The following SCN10A variants were observed in gnomAD, a reference collection of about 807,000 sequenced individuals.
SCN10A encodes sodium channel protein type 10 subunit alpha.
SCN10A carries 162 observed loss-of-function variants against 170.7 expected under a neutral mutation model. That is an observed-to-expected ratio of 0.95 (90% CI 0.84 to 1.08). The LOEUF is 1.08. SCN10A is among the 50% of genes least tolerant of loss of function. SCN10A has a pLI of 0.00. For synonymous variants in SCN10A, 985 were observed against 904.6 expected (o/e 1.09, Z -1.59); for missense variants, 2,527 against 2,436.9 (o/e 1.04, Z -0.78).
At chr3:38,784,149 T>C (rs1032864542) in intron 4 of SCN10A, among the ~76,000 whole-genome samples, 1 of 152,110 alleles carries the variant, frequency 6.6e-6, no homozygotes, top group African/African-American at 2.4e-5. Context: ...ACATTCTTAA[T>C]TATAGTATAC....
intron 4 of SCN10A, among the ~76,000 whole-genome samples, chr3:38,780,626 T>A (rs2064128533): frequency 6.6e-6 from 1 of 152,112 alleles, no homozygotes; most frequent in Non-Finnish European, 1.5e-5. Context: ...ATGTTATACA[T>A]CATTTTAATG....
chr3:38,779,074 C>A (rs990240596), intron 4 of SCN10A, among the ~76,000 whole-genome samples: 5 of 131,148 alleles, frequency 3.8e-5, no homozygotes, highest in African/African-American at 1.4e-4. Context: ...TTTGACCTGG[C>A]AATTCTACTT....
At chr3:38,716,618 TA>T (rs2063336683) in intron 21 of SCN10A, among the ~76,000 whole-genome samples, 1 of 152,022 alleles carries the variant, frequency 6.6e-6, no homozygotes, top group Admixed American at 6.6e-5. Flanking sequence ...ATATATACAA[TA>T]AAATATATTT....
Position 38,722,108 on chromosome 3 carries a change from C to T in SCN10A, c.3507+150G>A, listed in dbSNP as rs76786776. 3.0e-3 allele frequency: 2,323 copies of T among 768,968 alleles called. 41 individuals are homozygous for T. The African/African-American group carries it at 0.031, about 10-fold the overall frequency. 47.6% of individuals were successfully genotyped at this position (768,968 alleles called of 1,614,324 possible). ...ATGCTCTGCTGCTAAGAGGGGCCCT[C>T]GCCCTGGGCTGCAGCTCTCCTTCTA... On this transcript the variant is annotated intron_variant, in intron 20 of 27. Coordinates refer to ENST00000449082, the MANE Select transcript of SCN10A (RefSeq NM_006514.4).
intron 21 of SCN10A, among the ~76,000 whole-genome samples, chr3:38,714,735 T>C (rs995545076): frequency 3.9e-5 from 6 of 152,300 alleles, no homozygotes; most frequent in African/African-American, 9.6e-5. Context: ...TCAATAGATA[T>C]CTGAGATATA....
chr3:38,733,085 T>C (rs1300221581), intron 15 of SCN10A, among the ~76,000 whole-genome samples: 1 of 152,202 alleles, frequency 6.6e-6, no homozygotes, highest in South Asian at 2.1e-4. Flanking sequence ...ATTGAGAACT[T>C]TGTCAAAGAA....
intron 15 of SCN10A, among the ~76,000 whole-genome samples, chr3:38,732,727 G>T (rs1222937469): frequency 1.3e-5 from 2 of 152,160 alleles, no homozygotes; most frequent in Non-Finnish European, 2.9e-5. Flanking sequence ...TCATGAACCA[G>T]CAACCCTAGG....
chr3:38,776,309 C>A (rs1476714152), intron 4 of SCN10A, among the ~76,000 whole-genome samples: 3 of 152,006 alleles, frequency 2.0e-5, no homozygotes, highest in African/African-American at 7.2e-5. Context: ...TACATTGTGA[C>A]CTTATTTCAC....
intron 4 of SCN10A, among the ~76,000 whole-genome samples, chr3:38,780,990 C>T (rs2126049373): frequency 6.6e-6 from 1 of 152,164 alleles, no homozygotes; most frequent in African/African-American, 2.4e-5. Context: ...AAGAACTCAT[C>T]GTTGACCATT....
intron 5 of SCN10A, among the ~76,000 whole-genome samples, chr3:38,768,700 A>G (rs968171775): frequency 6.6e-6 from 1 of 152,014 alleles, no homozygotes; most frequent in Non-Finnish European, 1.5e-5. Context: ...CTTTGTCTTG[A>G]CTTTAGATAA....
chr3:38,744,605 G>T (rs1350613769), intron 13 of SCN10A, among the ~76,000 whole-genome samples: 2 of 151,760 alleles, frequency 1.3e-5, no homozygotes, highest in Admixed American at 6.6e-5. Context: ...TCACTACAAG[G>T]CTTGGAAAAT....
chr3:38,789,703 A>C (rs2064255675), intron 3 of SCN10A, among the ~76,000 whole-genome samples: 1 of 152,104 alleles, frequency 6.6e-6, no homozygotes, highest in African/African-American at 2.4e-5. Flanking sequence ...GCTGGAGTGG[A>C]GAACTCTGAA....
At chr3:38,769,598 G>C (rs1468038519) in intron 5 of SCN10A, among the ~76,000 whole-genome samples, 1 of 152,108 alleles carries the variant, frequency 6.6e-6, no homozygotes, top group Non-Finnish European at 1.5e-5. Flanking sequence ...CATTGTTGGG[G>C]AGCTAGTTTG....
chr3:38,725,349 C>T, intron 17 of SCN10A, 35 bp from the exon 18 acceptor site: 1 of 1,534,170 alleles, frequency 6.5e-7, no homozygotes, highest in Non-Finnish European at 8.9e-7. Flanking sequence ...GTGCCTGGCC[C>T]CACCCTTAGA....
chr3:38,711,053 C>T (rs919987004), intron 23 of SCN10A, among the ~76,000 whole-genome samples, 156 bp from the exon 24 acceptor site: 13 of 152,202 alleles, frequency 8.5e-5, no homozygotes, highest in Non-Finnish European at 1.8e-4. Flanking sequence ...GGTTACTTGA[C>T]TAATCTCATA....
Position 38,697,437 on chromosome 3 carries a change from AG to A in SCN10A, c.5782del (p.Ser1929ValfsTer6). 6.2e-7 allele frequency: 1 copy of A among 1,614,222 alleles called. No individual in the cohort carries two copies. Among genetic ancestry groups the A allele is most frequent in the South Asian group, 1.1e-5 (1 of 91,084 alleles). On this transcript the variant is annotated frameshift_variant, in exon 28 of 28. Coordinates refer to ENST00000449082, the MANE Select transcript of SCN10A (RefSeq NM_006514.4). LOFTEE classifies it low-confidence loss of function (END_TRUNC). ...PPSYESVTRG[L>X]SDRVNMRTSS... ...TGTCCTCATGTTGACTCTATCACTA[AG>A]GCCTCTAGTGACACTCTCATAGGAC...
At chr3:38,761,079 G>A (rs970488367) in intron 7 of SCN10A, 113 bp downstream of exon 7, 1 of 852,342 alleles carries the variant, frequency 1.2e-6, no homozygotes, top group Non-Finnish European at 1.8e-6. Context: ...TGGCAGGAAA[G>A]GGGAGTCAAA....
chr3:38,741,382 C>A (rs2063630419), intron 14 of SCN10A, among the ~76,000 whole-genome samples: 1 of 152,122 alleles, frequency 6.6e-6, no homozygotes, highest in Non-Finnish European at 1.5e-5. Context: ...GGCAGCCGGT[C>A]TGTCTGGGTT....
rs755110001 is a variant in SCN10A, at chr3:38,739,525, CT to C, written c.2269del (p.Ser757AlafsTer17). 3.1e-6 allele frequency: 5 copies of C among 1,612,800 alleles called. No homozygotes were observed. In the South Asian group the frequency reaches 5.5e-5, roughly 18 times the overall value. ...AGAGAAAAACATTACCAAGCGGAAGCTCCGCAGCACAGACAGGCTTCCCTTC... is the reference window on the plus strand; with the variant it reads ...AGAGAAAAACATTACCAAGCGGAAGCCCGCAGCACAGACAGGCTTCCCTTC... Reference protein sequence around the residue: ...AKKGSLSVLRSFRLLRVFKLA... With the variant: ...AKKGSLSVLRXFRLLRVFKLA... On this transcript the variant is annotated frameshift_variant, in exon 15 of 28. Transcript: ENST00000449082. LOFTEE classifies it high-confidence loss of function.
Sources: allele counts gnomAD v4.1 joint callset (sites outside exome capture counted in the v4.1 genomes callset), GRCh38; gene constraint gnomAD v4.1.1; transcripts MANE v1.5; gene names NCBI Gene and HGNC (gene_info 2026-07-23, HGNC 2026-07-21).